Variants in FBXW7 observed in about 807,000 individuals in gnomAD.
The protein encoded by FBXW7 is F-box/WD repeat-containing protein 7.
In FBXW7, 11 loss-of-function variants were observed where a neutral mutation model predicts 86.3. That is an observed-to-expected ratio of 0.13 (90% CI 0.08 to 0.21). The LOEUF (loss-of-function observed/expected upper bound fraction) is 0.21. FBXW7 is among the 10% of genes least tolerant of loss of function. The probability of loss-of-function intolerance (pLI) is 1.00; values close to 1 mark genes in which losing one functional copy is unlikely to be tolerated. For missense variants in FBXW7, 488 were observed against 847.4 expected, an observed-to-expected ratio of 0.58 and a Z score of 5.27; for synonymous variants, 313 against 297.9, an observed-to-expected ratio of 1.05 and a Z score of -0.52.
At chr4:152,516,802 G>A (rs992966743) in intron 2 of FBXW7, among the ~76,000 whole-genome samples, 1 of 152,124 alleles carries the variant, frequency 6.6e-6, no homozygotes, top group African/African-American at 2.4e-5. Flanking sequence ...AAACAATACT[G>A]TAAACTTAGT....
intron 4 of FBXW7, among the ~76,000 whole-genome samples, chr4:152,371,296 A>G (rs1410631056): frequency 1.3e-5 from 2 of 152,000 alleles, no homozygotes; most frequent in East Asian, 1.9e-4. Flanking sequence ...GAAAAAGACA[A>G]GAAGTCTAAT....
At chr4:152,326,277 C>G (rs370413277) in intron 11 of FBXW7, 46 bp from the exon 12 acceptor site, 42 of 1,466,150 alleles carry the variant, frequency 2.9e-5, no homozygotes, top group Non-Finnish European at 3.7e-5. Context: ...AAAAAACCCA[C>G]GTTTAGAATT....
At chr4:152,340,650 T>G (rs969214032) in intron 6 of FBXW7, among the ~76,000 whole-genome samples, 1 of 151,176 alleles carries the variant, frequency 6.6e-6, no homozygotes, top group African/African-American at 2.4e-5. Context: ...CTGTTTCCAC[T>G]GACTACACAT....
rs1578863177 is a variant in FBXW7, at chr4:152,321,758, TCAC to T, written c.*1120_*1122del. On this transcript the variant is annotated 3_prime_UTR_variant, in exon 14 of 14. Transcript: ENST00000281708. ...AGTTTTACGATGTACGTTCATCCAT[TCAC>T]CACAGCCCTCAAAAAGAAAAGTTTC... The T allele has an allele frequency of 8.6e-6, 2 of 232,960 alleles. No homozygotes were observed. The highest frequency in any genetic ancestry group is 1.7e-5 in the Non-Finnish European group (2 of 117,578). The allele number at this position is 232,960 out of a possible 1,614,324, so 14.4% of individuals were successfully genotyped here. A position where few individuals can be genotyped will look rare whatever the true frequency, so the allele number is the denominator to read the frequency against.
At chr4:152,358,865 A>T (rs1201970951) in intron 4 of FBXW7, among the ~76,000 whole-genome samples, 2 of 152,182 alleles carry the variant, frequency 1.3e-5, no homozygotes, top group East Asian at 1.9e-4. Flanking sequence ...GTACAGAATT[A>T]AGTGTCTTGC....
At chr4:152,328,697 CTT>C (rs1277103661) in intron 10 of FBXW7, 1 of 180,736 alleles carries the variant, frequency 5.5e-6, no homozygotes, top group African/African-American at 2.3e-5. Flanking sequence ...GGCCTGGCCT[CTT>C]TGATGAAATA....
chr4:152,526,935 C>A (rs1370158314), intron 2 of FBXW7, among the ~76,000 whole-genome samples: 1 of 152,088 alleles, frequency 6.6e-6, no homozygotes, highest in Non-Finnish European at 1.5e-5. Context: ...TCTGAAAACA[C>A]AGAATTACTT....
chr4:152,440,934 GT>G (rs766638263), intron 2 of FBXW7, among the ~76,000 whole-genome samples: 54 of 145,480 alleles, frequency 3.7e-4, no homozygotes, highest in South Asian at 2.2e-3. Flanking sequence ...AGTTTATACG[GT>G]TTTTTTTTTT....
intron 2 of FBXW7, among the ~76,000 whole-genome samples, chr4:152,492,698 TAAGAGCA>T (rs909314875): frequency 1.3e-5 from 2 of 152,086 alleles, no homozygotes; most frequent in African/African-American, 4.8e-5. Context: ...ACATAGGAAA[TAAGAGCA>T]AAGACTCTGG....
chr4:152,356,176 T>C (rs922751090), intron 4 of FBXW7, among the ~76,000 whole-genome samples: 3 of 152,160 alleles, frequency 2.0e-5, no homozygotes, highest in Non-Finnish European at 4.4e-5. Context: ...TTTTTATACA[T>C]CTTTCTCCCC....
chr4:152,391,910 C>T (rs1442895475), intron 4 of FBXW7, among the ~76,000 whole-genome samples: 2 of 152,028 alleles, frequency 1.3e-5, no homozygotes, highest in Non-Finnish European at 2.9e-5. Context: ...TGTGTTACTT[C>T]CTAAATTAGT....
intron 5 of FBXW7, chr4:152,348,561 T>C (rs1480960241): frequency 5.5e-6 from 1 of 182,676 alleles, no homozygotes; most frequent in East Asian, 1.8e-4. Context: ...AGTTGCTTTG[T>C]CAATATAAAA....
In FBXW7 at chr4:152,389,637, G is replaced by A. The variant is rs1735833134; in HGVS notation, c.501+21666C>T. ...ACATGCAGGGAGGATGCTGAGAGAT[G>A]AGAAATCACTTAACGGGTACAATGT... On this transcript the variant is annotated intron_variant, in intron 4 of 13. Coordinates refer to ENST00000281708, the MANE Select transcript of FBXW7 (RefSeq NM_001349798.2). 2.0e-5 allele frequency among the ~76,000 whole-genome samples: 3 copies of A among 151,928 alleles called. No homozygotes were observed. In the South Asian group the frequency reaches 6.2e-4, roughly 31 times the overall value.
At chr4:152,533,907 A>C (rs1750232979) in intron 2 of FBXW7, among the ~76,000 whole-genome samples, 1 of 152,238 alleles carries the variant, frequency 6.6e-6, no homozygotes, top group Non-Finnish European at 1.5e-5. Flanking sequence ...CCCACAAAGT[A>C]TCTCTCAGCA....
intron 4 of FBXW7, among the ~76,000 whole-genome samples, chr4:152,386,966 T>C (rs183926304): frequency 6.6e-6 from 1 of 152,196 alleles, no homozygotes; most frequent in African/African-American, 2.4e-5. Flanking sequence ...ACTCTGGATT[T>C]CCATCTTTTC....
In FBXW7 at chr4:152,517,112, C is replaced by T. The variant is rs373274831; in HGVS notation, c.-120+17829G>A. Among the ~76,000 whole-genome samples, 45 of 152,284 alleles carry T rather than the reference C, an allele frequency of 3.0e-4. No individual in the cohort carries two copies. In the East Asian group the frequency reaches 4.0e-3, roughly 14 times the overall value. ...TGCTAGGATTATACGCATGAGCTAC[C>T]GTGCCAGGCTGTTTCTGCCTTTCTA... On this transcript the variant is annotated intron_variant, in intron 2 of 13. Transcript: ENST00000281708.
At chr4:152,404,189 T>C (rs1255708434) in intron 4 of FBXW7, among the ~76,000 whole-genome samples, 1 of 152,190 alleles carries the variant, frequency 6.6e-6, no homozygotes, top group Non-Finnish European at 1.5e-5. Context: ...CATGATATAA[T>C]GACATTTCCT....
At chr4:152,426,702 C>T (rs939230036) in intron 2 of FBXW7, among the ~76,000 whole-genome samples, 4 of 152,154 alleles carry the variant, frequency 2.6e-5, no homozygotes, top group African/African-American at 7.2e-5. Context: ...TTTGCCCACT[C>T]GGATAACAGA....
At chr4:152,368,566 T>C (rs916168412) in intron 4 of FBXW7, among the ~76,000 whole-genome samples, 8 of 152,112 alleles carry the variant, frequency 5.3e-5, no homozygotes, top group Admixed American at 1.3e-4. Flanking sequence ...TCAATTCTTA[T>C]GTAGTAATGA....
Sources: gnomAD v4.1 joint callset for allele counts (sites outside exome capture counted in the v4.1 genomes callset) on GRCh38, gnomAD v4.1.1 for gene constraint, MANE v1.5 for transcripts, NCBI Gene and HGNC (gene_info 2026-07-23, HGNC 2026-07-21) for gene names.